KCNIP4: variants seen among roughly 807,000 people sequenced by gnomAD.
KCNIP4 encodes Kv channel-interacting protein 4.
In KCNIP4, 12 loss-of-function variants were observed where a neutral mutation model predicts 34.0. The observed-to-expected ratio is 0.35, with a 90% CI of 0.23 to 0.57. The LOEUF is 0.57. Ranked by LOEUF, KCNIP4 falls within the 20% of genes least tolerant of loss-of-function variation. KCNIP4 has a pLI of 0.83. For synonymous variants in KCNIP4, 124 were observed against 102.2 expected, an observed-to-expected ratio of 1.21 and a Z score of -1.29; for missense variants, 238 against 311.7, an observed-to-expected ratio of 0.76 and a Z score of 1.78.
intron 1 of KCNIP4, among the ~76,000 whole-genome samples, chr4:21,475,963 T>C (rs1730917690): frequency 6.6e-6 from 1 of 152,160 alleles, no homozygotes; most frequent in Non-Finnish European, 1.5e-5. Flanking sequence ...TTCTTATTCC[T>C]GCAGTGCCTT....
rs183883519 is a variant in KCNIP4 at position 20,982,690 on chromosome 4, C to T, written c.62-99981G>A. ...AAAAGGACTTTCTGAAGATAAGATA[C>T]ATTGGCCATCATTAACATATTAAGA... On this transcript the variant is annotated intron_variant, in intron 1 of 8. Coordinates refer to ENST00000382152, the MANE Select transcript of KCNIP4 (RefSeq NM_025221.6). 6.9e-4 allele frequency among the ~76,000 whole-genome samples: 105 copies of T among 152,288 alleles called. 1 individual carries two copies. The highest frequency in any genetic ancestry group is 2.4e-3 in the African/African-American group (100 of 41,572).
chr4:21,016,304 C>CT (rs112678208), intron 1 of KCNIP4, among the ~76,000 whole-genome samples: 9,542 of 142,438 alleles, frequency 0.067, 348 homozygotes, highest in Middle Eastern at 0.091. Context: ...TTTCTTTTTT[C>CT]TTTTTTTTTT....
At chr4:21,690,226 G>A (rs1440284350) in intron 1 of KCNIP4, among the ~76,000 whole-genome samples, 1 of 151,026 alleles carries the variant, frequency 6.6e-6, no homozygotes, top group Non-Finnish European at 1.5e-5. Context: ...CACAGTTAAG[G>A]GAAGCTCCTC....
At chr4:21,623,330 A>T (rs1281097254) in intron 1 of KCNIP4, among the ~76,000 whole-genome samples, 7 of 152,148 alleles carry the variant, frequency 4.6e-5, no homozygotes, top group Admixed American at 4.6e-4. Flanking sequence ...TAAACATAAG[A>T]TATGCTTTAT....
chr4:20,898,974 C>T (rs1417072583), intron 1 of KCNIP4, among the ~76,000 whole-genome samples: 2 of 152,154 alleles, frequency 1.3e-5, no homozygotes, highest in East Asian at 3.8e-4. Context: ...GGTAACTTCT[C>T]CTATACCGCT....
intron 1 of KCNIP4, among the ~76,000 whole-genome samples, chr4:21,246,116 C>T (rs1177911574): frequency 6.6e-6 from 1 of 152,130 alleles, no homozygotes; most frequent in Non-Finnish European, 1.5e-5. Context: ...AGACCTGATT[C>T]TTCCAGTCTA....
chr4:20,830,770 A>C (rs945535271), intron 3 of KCNIP4, among the ~76,000 whole-genome samples: 12 of 152,182 alleles, frequency 7.9e-5, no homozygotes, highest in African/African-American at 2.9e-4. Flanking sequence ...TCCATCTCCC[A>C]AGTGCTTATT....
chr4:20,941,179 C>T (rs1019254564), intron 1 of KCNIP4, among the ~76,000 whole-genome samples: 18 of 152,166 alleles, frequency 1.2e-4, no homozygotes, highest in Non-Finnish European at 2.5e-4. Context: ...TTTGCATGCT[C>T]TCTAATTTCT....
intron 1 of KCNIP4, among the ~76,000 whole-genome samples, chr4:21,118,226 C>T (rs1458497188): frequency 6.6e-6 from 1 of 152,114 alleles, no homozygotes; most frequent in Non-Finnish European, 1.5e-5. Context: ...GCATCTGTGA[C>T]AATTAGAGTC....
At chr4:20,847,862 T>C (rs960736898) in intron 3 of KCNIP4, among the ~76,000 whole-genome samples, 2 of 152,144 alleles carry the variant, frequency 1.3e-5, no homozygotes, top group African/African-American at 4.8e-5. Flanking sequence ...TTTAATAGTT[T>C]CATTAAAAAT....
At position 21,482,889 on chromosome 4, in the gene KCNIP4, G is replaced by A. The variant is rs188375784; in HGVS notation, c.61+465682C>T. Among the ~76,000 whole-genome samples, 7 of 151,998 alleles carry A rather than the reference G, an allele frequency of 4.6e-5. No individual in the cohort carries two copies. The East Asian group carries it at 5.8e-4, about 13-fold the overall frequency. The stretch of plus-strand genomic sequence containing the variant: ...GCTAGATATAATGTGGCACATATAC[G>A]CCATAGAATACTATGCAGCCATAAA... On this transcript the variant is annotated intron_variant, in intron 1 of 8. Transcript: ENST00000382152.
chr4:21,814,138 G>T (rs1248753590), intron 1 of KCNIP4, among the ~76,000 whole-genome samples: 1 of 151,986 alleles, frequency 6.6e-6, no homozygotes, highest in Non-Finnish European at 1.5e-5. Flanking sequence ...CTAGTGACTG[G>T]GAATCACGAG....
At chr4:20,854,447 G>A (rs913922393) in intron 2 of KCNIP4, among the ~76,000 whole-genome samples, 7 of 152,212 alleles carry the variant, frequency 4.6e-5, no homozygotes, top group Admixed American at 2.0e-4. Context: ...CTATGAGAAC[G>A]CAAAGGCATA....
At chr4:21,567,884 G>A (rs1159920590) in intron 1 of KCNIP4, among the ~76,000 whole-genome samples, 1 of 152,104 alleles carries the variant, frequency 6.6e-6, no homozygotes, top group Non-Finnish European at 1.5e-5. Context: ...CTAGGTACCA[G>A]TGGGGCAGAA....
intron 1 of KCNIP4, among the ~76,000 whole-genome samples, chr4:21,366,772 AACAGAG>A (rs1719813139): frequency 6.6e-6 from 1 of 152,116 alleles, no homozygotes; most frequent in Non-Finnish European, 1.5e-5. Context: ...GAAATAGAGA[AACAGAG>A]ACAGGGAGAG....
intron 1 of KCNIP4, among the ~76,000 whole-genome samples, chr4:21,410,402 G>T (rs1269740513): frequency 6.6e-6 from 1 of 152,100 alleles, no homozygotes; most frequent in Non-Finnish European, 1.5e-5. Context: ...GACTTGCAAG[G>T]TTATCAACGG....
At chr4:21,219,294 G>T (rs549043254) in intron 1 of KCNIP4, among the ~76,000 whole-genome samples, 3 of 152,068 alleles carry the variant, frequency 2.0e-5, no homozygotes, top group African/African-American at 4.8e-5. Flanking sequence ...CAAGGTGCTC[G>T]TCAAAAAGCC....
At chr4:20,743,042 C>T (rs1293361624) in intron 5 of KCNIP4, among the ~76,000 whole-genome samples, 4 of 151,536 alleles carry the variant, frequency 2.6e-5, no homozygotes, top group Non-Finnish European at 4.4e-5. Flanking sequence ...TGTGAAGGAC[C>T]CTTATAAGGG....
intron 2 of KCNIP4, among the ~76,000 whole-genome samples, chr4:20,876,045 C>A (rs932119820): frequency 6.6e-6 from 1 of 152,056 alleles, no homozygotes; most frequent in African/African-American, 2.4e-5. Context: ...CCCATTTCTG[C>A]TCAAATAAAA....
Sources: allele counts gnomAD v4.1 joint callset (sites outside exome capture counted in the v4.1 genomes callset), GRCh38; gene constraint gnomAD v4.1.1; transcripts MANE v1.5; gene names NCBI Gene and HGNC (gene_info 2026-07-23, HGNC 2026-07-21).